Variants in FBXL17 observed in about 807,000 individuals in gnomAD.
The protein encoded by FBXL17 is F-box/LRR-repeat protein 17.
A neutral mutation model predicts 66.2 loss-of-function variants in FBXL17; 22 were observed. The ratio of observed to expected loss-of-function variants is 0.33; its 90% CI spans 0.24 to 0.47. The LOEUF is 0.47. Ranked by LOEUF, FBXL17 falls within the 20% of genes least tolerant of loss-of-function variation. The pLI is 1.00. For missense variants in FBXL17, 878 were observed against 948.2 expected, an observed-to-expected ratio of 0.93 and a Z score of 0.97; for synonymous variants, 474 against 400.5, an observed-to-expected ratio of 1.18 and a Z score of -2.19.
chr5:108,094,358 G>T (rs141491818), intron 6 of FBXL17, among the ~76,000 whole-genome samples: 27 of 152,196 alleles, frequency 1.8e-4, no homozygotes, highest in Non-Finnish European at 3.4e-4. Context: ...TCAAACTCTG[G>T]TATACAAAGG....
rs549279474 is a variant in FBXL17 at position 108,028,231 on chromosome 5, C to T, written c.1746-7230G>A. Among the ~76,000 whole-genome samples the T allele has an allele frequency of 2.2e-4, 34 of 152,170 alleles. No individual in the cohort carries two copies. The South Asian group carries it at 6.9e-3, about 31-fold the overall frequency. ...TGCAACTCGAAACTGATGCCCACCA[C>T]AAAAACATTAATAGTGAAAACTAGA... On this transcript the variant is annotated intron_variant, in intron 6 of 8. Coordinates refer to ENST00000542267, the MANE Select transcript of FBXL17 (RefSeq NM_001163315.3).
chr5:107,970,371 A>T (rs933105229), intron 7 of FBXL17, among the ~76,000 whole-genome samples: 1 of 152,178 alleles, frequency 6.6e-6, no homozygotes, highest in African/African-American at 2.4e-5. Flanking sequence ...ACAGCAAAAC[A>T]TCCCCTTATA....
chr5:108,042,076 G>A (rs1002833409), intron 6 of FBXL17, among the ~76,000 whole-genome samples: 4 of 152,012 alleles, frequency 2.6e-5, no homozygotes, highest in African/African-American at 4.8e-5. Flanking sequence ...TATATTTTTA[G>A]TAGAGAGGGG....
chr5:108,119,054 A>G (rs1047362396), intron 6 of FBXL17, among the ~76,000 whole-genome samples: 10 of 152,158 alleles, frequency 6.6e-5, no homozygotes, highest in Non-Finnish European at 1.3e-4. Context: ...AAATTGCTGC[A>G]ATTATTTGCT....
At chr5:107,988,845 C>T (rs1044277806) in intron 7 of FBXL17, among the ~76,000 whole-genome samples, 40 of 152,002 alleles carry the variant, frequency 2.6e-4, no homozygotes, top group African/African-American at 8.7e-4. Context: ...GCAAAATTTT[C>T]TAATAGACAG....
At chr5:108,044,119 T>C (rs2112809001) in intron 6 of FBXL17, among the ~76,000 whole-genome samples, 1 of 152,284 alleles carries the variant, frequency 6.6e-6, no homozygotes, top group Admixed American at 6.5e-5. Flanking sequence ...AACAATTCGG[T>C]CATCTGTAAA....
At chr5:108,153,586 T>C (rs1166710934) in intron 6 of FBXL17, among the ~76,000 whole-genome samples, 1 of 152,190 alleles carries the variant, frequency 6.6e-6, no homozygotes, top group Admixed American at 6.5e-5. Context: ...GCCTTCACGT[T>C]GCTGATCTAC....
At chr5:108,261,726 T>C (rs1003737672) in intron 4 of FBXL17, among the ~76,000 whole-genome samples, 1 of 152,048 alleles carries the variant, frequency 6.6e-6, no homozygotes, top group Non-Finnish European at 1.5e-5. Flanking sequence ...TTACCTGTTA[T>C]TGTCTTAAAA....
chr5:108,113,855 A>G (rs1187246089), intron 6 of FBXL17, among the ~76,000 whole-genome samples: 1 of 152,202 alleles, frequency 6.6e-6, no homozygotes, highest in Admixed American at 6.5e-5. Context: ...TCATGCCAGG[A>G]ATGAAGCTGT....
chr5:108,052,235 G>A (rs564212787), intron 6 of FBXL17, among the ~76,000 whole-genome samples: 1 of 152,082 alleles, frequency 6.6e-6, no homozygotes, highest in Admixed American at 6.5e-5. Context: ...AGAAATAAAG[G>A]GTATTCAAAT....
chr5:108,371,972 C>T (rs1749068623), intron 1 of FBXL17, among the ~76,000 whole-genome samples: 1 of 152,148 alleles, frequency 6.6e-6, no homozygotes, highest in African/African-American at 2.4e-5. Context: ...GTGACATCAC[C>T]TAGACAGGTA....
chr5:107,920,579 T>G (rs1386612350), intron 7 of FBXL17, among the ~76,000 whole-genome samples: 4 of 152,208 alleles, frequency 2.6e-5, no homozygotes. Flanking sequence ...CTGAGAATAT[T>G]TCTTAGGTGG....
intron 4 of FBXL17, among the ~76,000 whole-genome samples, chr5:108,293,967 G>C (rs1758229584): frequency 6.7e-6 from 1 of 148,482 alleles, no homozygotes. Context: ...ATTGAACCCA[G>C]GAGGCGGAGG....
intron 4 of FBXL17, among the ~76,000 whole-genome samples, chr5:108,343,974 C>G (rs1747076233): frequency 6.6e-6 from 1 of 152,176 alleles, no homozygotes; most frequent in African/African-American, 2.4e-5. Flanking sequence ...ACCTCTTAAT[C>G]TCATTTAGTC....
At chr5:107,934,094 T>C (rs952634041) in intron 7 of FBXL17, among the ~76,000 whole-genome samples, 2 of 152,152 alleles carry the variant, frequency 1.3e-5, no homozygotes, top group Non-Finnish European at 2.9e-5. Context: ...TATTTTTTTA[T>C]AGTATCTGAA....
chr5:107,945,886 AT>A (rs1212197271), intron 7 of FBXL17, among the ~76,000 whole-genome samples: 1 of 152,040 alleles, frequency 6.6e-6, no homozygotes, highest in African/African-American at 2.4e-5. Flanking sequence ...AATATCTGGA[AT>A]TTTCACAATT....
chr5:108,294,724 T>C (rs1272509481), intron 4 of FBXL17, among the ~76,000 whole-genome samples: 2 of 151,914 alleles, frequency 1.3e-5, no homozygotes, highest in Admixed American at 6.6e-5. Flanking sequence ...TGGCTAGAAG[T>C]GATAAGAAAA....
At chr5:107,869,289 A>G (rs1227705106) in intron 8 of FBXL17, among the ~76,000 whole-genome samples, 3 of 152,164 alleles carry the variant, frequency 2.0e-5, no homozygotes, top group African/African-American at 7.2e-5. Flanking sequence ...TCTCTGGGAA[A>G]CTGTAGCAGA....
At chr5:108,037,475 A>G (rs1354567979) in intron 6 of FBXL17, among the ~76,000 whole-genome samples, 2 of 152,204 alleles carry the variant, frequency 1.3e-5, no homozygotes, top group Non-Finnish European at 2.9e-5. Context: ...GGTACATTTT[A>G]TTAATACTCT....
Sources: allele counts gnomAD v4.1 joint callset (sites outside exome capture counted in the v4.1 genomes callset), GRCh38; gene constraint gnomAD v4.1.1; transcripts MANE v1.5; gene names NCBI Gene and HGNC (gene_info 2026-07-23, HGNC 2026-07-21).